The following COLEC10 variants were observed in gnomAD, a reference collection of about 807,000 sequenced individuals.
The protein encoded by COLEC10 is collectin-10.
In COLEC10, 22 loss-of-function variants were observed where a neutral mutation model predicts 28.4. The observed-to-expected ratio is 0.78, with a 90% CI of 0.55 to 1.11. COLEC10 has a LOEUF of 1.11. COLEC10 is among the 50% of genes least tolerant of loss of function. The pLI is 0.00. For missense variants in COLEC10, 361 were observed against 344.1 expected (o/e 1.05, Z -0.39); for synonymous variants, 125 against 116.1 (o/e 1.08, Z -0.49).
At chr8:118,979,967 C>T in the COLEC10 span, among the ~76,000 whole-genome samples, 3 of 152,054 alleles carry the variant, frequency 2.0e-5, no homozygotes, top group Non-Finnish European at 4.4e-5. Context: ...TTTCATAAGG[C>T]TGCTCAGAAC....
At chr8:119,029,980 G>T (rs1363603172) in intron 2 of COLEC10, among the ~76,000 whole-genome samples, 2 of 152,160 alleles carry the variant, frequency 1.3e-5, no homozygotes, top group East Asian at 1.9e-4. Flanking sequence ...TATGTAGTTT[G>T]CAGGAATAGG....
In COLEC10 at chr8:119,105,790, C is replaced by T. The variant is rs1423091875; in HGVS notation, c.443-10C>T. On this transcript the variant is annotated splice_polypyrimidine_tract_variant and intron_variant, in intron 5 of 5. Transcript: ENST00000332843. ...GATACGTAATGATACTCCTTTTTCT[C>T]TCCCTGCAGTGATAGCAGGGATTAG... 1 of 1,598,268 alleles carries T rather than the reference C, an allele frequency of 6.3e-7. No individual in the cohort carries two copies. Among genetic ancestry groups the T allele is most frequent in the Admixed American group, 1.7e-5 (1 of 57,956 alleles).
At chr8:119,020,354 G>A (rs1395001295) in intron 2 of COLEC10, among the ~76,000 whole-genome samples, 1 of 152,072 alleles carries the variant, frequency 6.6e-6, no homozygotes, top group Non-Finnish European at 1.5e-5. Flanking sequence ...TACTGTTTTA[G>A]GTGCTTAGAA....
chr8:119,102,241 T>TC (rs750445288), intron 3 of COLEC10, 107 bp from the exon 4 acceptor site: 2 of 279,962 alleles, frequency 7.1e-6, no homozygotes, highest in Non-Finnish European at 1.3e-5. Context: ...CCTCCCTCCC[T>TC]CCTTCCTTCT....
At chr8:119,084,766 T>C (rs114361096) in intron 1 of COLEC10, among the ~76,000 whole-genome samples, 315 of 152,308 alleles carry the variant, frequency 2.1e-3, no homozygotes, top group African/African-American at 6.9e-3. Flanking sequence ...TTAAAAAATA[T>C]AGCAAAAATA....
chr8:119,076,010 C>G (rs1425148632), intron 1 of COLEC10, among the ~76,000 whole-genome samples: 8 of 148,974 alleles, frequency 5.4e-5, no homozygotes, highest in African/African-American at 2.0e-4. Context: ...ATGCCATTCT[C>G]CTGCCTCAGC....
intron 3 of COLEC10, among the ~76,000 whole-genome samples, chr8:119,095,844 G>A (rs922426011): frequency 3.3e-5 from 5 of 151,874 alleles, no homozygotes; most frequent in African/African-American, 1.2e-4. Flanking sequence ...ATAAAACAAA[G>A]GTAGAAGACT....
chr8:118,996,686 A>G (rs1813596087), intron 1 of COLEC10, among the ~76,000 whole-genome samples: 1 of 152,198 alleles, frequency 6.6e-6, no homozygotes, highest in African/African-American at 2.4e-5. Flanking sequence ...GTGTTACCAC[A>G]GTGAAATACC....
At chr8:119,023,580 C>T (rs893057375) in intron 2 of COLEC10, among the ~76,000 whole-genome samples, 2 of 152,080 alleles carry the variant, frequency 1.3e-5, no homozygotes, top group Admixed American at 6.6e-5. Context: ...CATATTAGTT[C>T]TTTCTTGGTG....
At chr8:119,070,990 A>C (rs1463063558) in intron 1 of COLEC10, among the ~76,000 whole-genome samples, 1 of 152,184 alleles carries the variant, frequency 6.6e-6, no homozygotes, top group Non-Finnish European at 1.5e-5. Flanking sequence ...GGAATCTTGC[A>C]ACTTGAACTT....
intron 2 of COLEC10, among the ~76,000 whole-genome samples, chr8:119,054,116 G>A (rs140887697): frequency 6.7e-4 from 102 of 152,092 alleles, no homozygotes; most frequent in African/African-American, 2.3e-3. Flanking sequence ...AGTGACTAAC[G>A]ACCAGGTAGC....
intron 1 of COLEC10, among the ~76,000 whole-genome samples, chr8:119,076,782 G>T (rs528093805): frequency 6.6e-6 from 1 of 152,280 alleles, no homozygotes; most frequent in African/African-American, 2.4e-5. Flanking sequence ...CAAAAGTTGT[G>T]AAAAAGTCAT....
At chr8:118,962,571 C>T in the COLEC10 span, among the ~76,000 whole-genome samples, 1 of 152,130 alleles carries the variant, frequency 6.6e-6, no homozygotes, top group Admixed American at 6.5e-5. Flanking sequence ...TCAATACCTC[C>T]CAACCATTCC....
intron 2 of COLEC10, among the ~76,000 whole-genome samples, chr8:119,017,424 G>A (rs942722710): frequency 6.6e-6 from 1 of 152,162 alleles, no homozygotes; most frequent in East Asian, 1.9e-4. Context: ...GAGCCAGATA[G>A]TAAGTAGGTT....
intron 2 of COLEC10, among the ~76,000 whole-genome samples, chr8:119,060,961 A>G (rs1282275345): frequency 6.6e-6 from 1 of 152,120 alleles, no homozygotes; most frequent in Non-Finnish European, 1.5e-5. Flanking sequence ...CAATCCAAGG[A>G]ACAAAAGAGA....
At chr8:119,027,156 C>T (rs574969789) in intron 2 of COLEC10, among the ~76,000 whole-genome samples, 1 of 152,132 alleles carries the variant, frequency 6.6e-6, no homozygotes, top group African/African-American at 2.4e-5. Context: ...AAAACAATGT[C>T]TATCATATAG....
intron 2 of COLEC10, among the ~76,000 whole-genome samples, chr8:119,029,459 C>T (rs895347311): frequency 5.3e-5 from 8 of 151,818 alleles, no homozygotes; most frequent in African/African-American, 1.7e-4. Context: ...GAGTCAGGAC[C>T]GTAGGTATTA....
chr8:118,970,951 C>A, the COLEC10 span, among the ~76,000 whole-genome samples: 1 of 151,914 alleles, frequency 6.6e-6, no homozygotes, highest in African/African-American at 2.4e-5. Context: ...TTGCAAGGAG[C>A]CTGACTTTGT....
intron 2 of COLEC10, among the ~76,000 whole-genome samples, chr8:119,050,695 A>G (rs539494397): frequency 1.3e-5 from 2 of 152,342 alleles, no homozygotes; most frequent in South Asian, 4.1e-4. Context: ...AGGCAGATAA[A>G]TCAATCCACA....
Sources: allele counts gnomAD v4.1 joint callset (sites outside exome capture counted in the v4.1 genomes callset), GRCh38; gene constraint gnomAD v4.1.1; transcripts MANE v1.5; gene names NCBI Gene and HGNC (gene_info 2026-07-23, HGNC 2026-07-21).